Variants in GGNBP2 observed in about 807,000 individuals in gnomAD.
GGNBP2 encodes the protein gametogenetin-binding protein 2.
In GGNBP2, 10 loss-of-function variants were observed where a neutral mutation model predicts 85.9. That is an observed-to-expected ratio of 0.12 (90% CI 0.07 to 0.20). The LOEUF (loss-of-function observed/expected upper bound fraction) is 0.20. GGNBP2 is among the 10% of genes least tolerant of loss of function. The pLI, the probability that GGNBP2 is intolerant of heterozygous loss-of-function variation, is 1.00. For synonymous variants in GGNBP2, 287 were observed against 285.7 expected (o/e 1.00, Z -0.05); for missense variants, 595 against 857.8 (o/e 0.69, Z 3.83).
intron 5 of GGNBP2, among the ~76,000 whole-genome samples, chr17:36,561,206 C>T (rs568338717): frequency 5.3e-5 from 8 of 152,158 alleles, no homozygotes; most frequent in African/African-American, 1.9e-4. Context: ...TCACTGCAAC[C>T]TCCACCTCCC....
intron 2 of GGNBP2, among the ~76,000 whole-genome samples, chr17:36,552,954 G>A (rs1437372821): frequency 4.0e-5 from 6 of 149,918 alleles, no homozygotes; most frequent in African/African-American, 9.8e-5. Context: ...CCTGGGAGGC[G>A]GAGGTTGCAG....
chr17:36,574,613 G>A, intron 6 of GGNBP2: 1 of 560,996 alleles, frequency 1.8e-6, no homozygotes, highest in Non-Finnish European at 3.1e-6. Context: ...CTTAGAGATG[G>A]CATCAAAGGT....
Position 36,567,749 on chromosome 17 carries a change from C to A in GGNBP2, c.614C>A (p.Thr205Lys). The part of the protein sequence containing the change: ...VLIDSSCLLE[T>K]LETYLRKHRF... ...ATTGACTCGAGTTGTCTTTTAGAAA[C>A]ACTAGAAACATATCTGCGAAAACAC... Residue 205 changes from threonine to lysine, a missense_variant, in exon 6 of 14, where the codon ACA becomes AAA. Coordinates refer to ENST00000613102, the MANE Select transcript of GGNBP2 (RefSeq NM_024835.5). 1 of 1,595,516 alleles carries A rather than the reference C, an allele frequency of 6.3e-7. No individual in the cohort carries two copies. The highest frequency in any genetic ancestry group is 8.6e-7 in the Non-Finnish European group (1 of 1,163,408).
chr17:36,549,690 T>A (rs557845025), intron 2 of GGNBP2, among the ~76,000 whole-genome samples: 1 of 152,368 alleles, frequency 6.6e-6, no homozygotes, highest in East Asian at 1.9e-4. Context: ...CATTTTTTCT[T>A]GTCATTCTTA....
intron 3 of GGNBP2, 147 bp from the exon 4 acceptor site, chr17:36,556,936 C>T: frequency 1.2e-6 from 1 of 826,394 alleles, no homozygotes; most frequent in African/African-American, 1.7e-5. Flanking sequence ...AAGCTGACTA[C>T]TTTGCCTTTC....
chr17:36,567,488 G>C (rs1555606005), intron 5 of GGNBP2, among the ~76,000 whole-genome samples, 175 bp from the exon 6 acceptor site: 3 of 152,214 alleles, frequency 2.0e-5, no homozygotes, highest in African/African-American at 7.2e-5. Context: ...GTTAAGTACA[G>C]ATGAGAAATA....
chr17:36,561,860 T>C (rs1024845953), intron 5 of GGNBP2, among the ~76,000 whole-genome samples: 1 of 152,042 alleles, frequency 6.6e-6, no homozygotes, highest in African/African-American at 2.4e-5. Flanking sequence ...CCTGACCTCA[T>C]GATCCGCCCA....
At chr17:36,549,575 G>A (rs1400781788) in intron 2 of GGNBP2, among the ~76,000 whole-genome samples, 1 of 152,066 alleles carries the variant, frequency 6.6e-6, no homozygotes, top group Non-Finnish European at 1.5e-5. Context: ...ATGCTTCTCA[G>A]GGATAAGCAC....
In GGNBP2 at chr17:36,545,808, C is replaced by T. The variant is rs2074247405; in HGVS notation, c.84C>T (p.Asp28=). The T allele has an allele frequency of 7.0e-6, 11 of 1,560,478 alleles. No individual in the cohort carries two copies. Among genetic ancestry groups the T allele is most frequent in the East Asian group, 2.4e-5 (1 of 41,434 alleles). ...ERRQIPLYID[D]TLTMVMEFPD... is the part of the protein sequence containing the mutation. Reference sequence around the variant, plus strand: ...GGCAGATTCCCCTCTACATAGACGACACCCTGACGGTGAGCGGGCCGGGCC... The same window carrying T: ...GGCAGATTCCCCTCTACATAGACGATACCCTGACGGTGAGCGGGCCGGGCC... Residue 28 remains aspartate, a synonymous_variant, in exon 2 of 14, where the codon GAC becomes GAT. Coordinates refer to ENST00000613102, the MANE Select transcript of GGNBP2 (RefSeq NM_024835.5).
At chr17:36,587,608 G>C (rs945806943) in intron 13 of GGNBP2, 19 of 224,904 alleles carry the variant, frequency 8.4e-5, no homozygotes, top group African/African-American at 4.0e-4. Context: ...CCCAAATAAG[G>C]CTGGGTGCAG....
chr17:36,586,343 C>T lies in GGNBP2; in HGVS notation c.1641+145C>T, dbSNP rs988568576. 6.5e-5 allele frequency: 63 copies of T among 974,726 alleles called. No individual in the cohort carries two copies. The African/African-American group carries it at 7.7e-4, about 12-fold the overall frequency. The allele number at this position is 974,726 out of a possible 1,614,324, so 60.4% of individuals were successfully genotyped here. On this transcript the variant is annotated intron_variant, in intron 12 of 13. Coordinates refer to ENST00000613102, the MANE Select transcript of GGNBP2 (RefSeq NM_024835.5). ...TTATGCAGTTCCATTGGGTGCTCAT[C>T]GTGTGAGAGTGTGGGTTGGGGGCAG... is the stretch of plus-strand genomic sequence containing the variant.
chr17:36,569,304 T>C (rs2074499567), intron 6 of GGNBP2, among the ~76,000 whole-genome samples: 1 of 152,132 alleles, frequency 6.6e-6, no homozygotes, highest in African/African-American at 2.4e-5. Context: ...CCCAGCTACT[T>C]GGGAGACTGA....
chr17:36,545,899 C>A, intron 2 of GGNBP2, 82 bp downstream of exon 2: 2 of 971,158 alleles, frequency 2.1e-6, no homozygotes, highest in Non-Finnish European at 3.1e-6. Context: ...CCGAGCGCTG[C>A]GCACTGGAGA....
chr17:36,554,661 C>T (rs2074344432), intron 2 of GGNBP2, among the ~76,000 whole-genome samples, 159 bp from the exon 3 acceptor site: 1 of 152,056 alleles, frequency 6.6e-6, no homozygotes, highest in Admixed American at 6.6e-5. Flanking sequence ...TAGGTGTGAG[C>T]CACCGCACCA....
In GGNBP2 at chr17:36,554,737, C is replaced by T. The variant is rs867890377; in HGVS notation, c.94-83C>T. 1.5e-4 allele frequency: 139 copies of T among 926,908 alleles called. 1 individual carries two copies. The highest frequency in any genetic ancestry group is 3.0e-4 in the South Asian group (23 of 75,924). 57.4% of individuals were successfully genotyped at this position (926,908 alleles called of 1,614,324 possible). On this transcript the variant is annotated intron_variant, in intron 2 of 13. Transcript: ENST00000613102. The stretch of plus-strand genomic sequence containing the variant: ...GGGATGGGTGCAAATCTGGCTTTCA[C>T]GGGTCTATTTCTGGAGTTTGTAGGC...
At chr17:36,571,142 G>T (rs1398198295) in intron 6 of GGNBP2, among the ~76,000 whole-genome samples, 1 of 152,172 alleles carries the variant, frequency 6.6e-6, no homozygotes, top group East Asian at 1.9e-4. Context: ...TGCCTTAAGG[G>T]TTTTTTAAGG....
At chr17:36,560,705 GTAAA>G in intron 4 of GGNBP2, 64 bp from the exon 5 acceptor site, 1 of 914,304 alleles carries the variant, frequency 1.1e-6, no homozygotes, top group Non-Finnish European at 1.7e-6. Flanking sequence ...CTAAAAGACA[GTAAA>G]TAGAGATTTT....
chr17:36,562,553 G>GT (rs1382579955), intron 5 of GGNBP2, among the ~76,000 whole-genome samples: 2 of 149,472 alleles, frequency 1.3e-5, no homozygotes, highest in African/African-American at 2.5e-5. Flanking sequence ...GAACTTCCGA[G>GT]TTACACCATT....
At chr17:36,552,573 A>G (rs1003603304) in intron 2 of GGNBP2, among the ~76,000 whole-genome samples, 8 of 152,206 alleles carry the variant, frequency 5.3e-5, no homozygotes, top group African/African-American at 1.9e-4. Context: ...TGTCTTTATT[A>G]TTACTTATTG....
Sources: gnomAD v4.1 joint callset for allele counts (sites outside exome capture counted in the v4.1 genomes callset) on GRCh38, gnomAD v4.1.1 for gene constraint, MANE v1.5 for transcripts, NCBI Gene and HGNC (gene_info 2026-07-23, HGNC 2026-07-21) for gene names.